Variants in GALK2 observed in about 807,000 individuals in gnomAD.
GALK2 encodes galactokinase 2, also known as N-acetylgalactosamine kinase.
In GALK2, 36 loss-of-function variants were observed where a neutral mutation model predicts 52.4. That is an observed-to-expected ratio of 0.69 (90% CI 0.53 to 0.91). The LOEUF (loss-of-function observed/expected upper bound fraction) is 0.91. GALK2 is among the 40% of genes least tolerant of loss of function. The pLI is 0.00. For missense variants in GALK2, 579 were observed against 559.1 expected, an observed-to-expected ratio of 1.04 and a Z score of -0.36; for synonymous variants, 176 against 199.1, an observed-to-expected ratio of 0.88 and a Z score of 0.98.
intron 2 of GALK2, among the ~76,000 whole-genome samples, chr15:49,209,962 T>C (rs764494761): frequency 6.6e-6 from 1 of 152,240 alleles, no homozygotes; most frequent in Non-Finnish European, 1.5e-5. Flanking sequence ...CCTCTGGTCC[T>C]GAGCATTTCT....
intron 1 of GALK2, among the ~76,000 whole-genome samples, chr15:49,175,660 C>T (rs543347164): frequency 6.0e-4 from 91 of 152,096 alleles, no homozygotes; most frequent in African/African-American, 2.1e-3. Context: ...TTAAGGGAGG[C>T]GACCACCTCT....
At chr15:49,239,606 A>AT (rs1388184430) in intron 5 of GALK2, among the ~76,000 whole-genome samples, 1 of 152,196 alleles carries the variant, frequency 6.6e-6, no homozygotes, top group East Asian at 1.9e-4. Context: ...TAAATATGGG[A>AT]TTTGAATGTA....
At chr15:49,316,740 G>A (rs1188347944) in intron 8 of GALK2, among the ~76,000 whole-genome samples, 1 of 152,196 alleles carries the variant, frequency 6.6e-6, no homozygotes, top group East Asian at 1.9e-4. Context: ...CCTAGGGGCA[G>A]ACCCAGGAGG....
chr15:49,171,859 C>A (rs540712672), intron 1 of GALK2, among the ~76,000 whole-genome samples: 10 of 151,920 alleles, frequency 6.6e-5, no homozygotes, highest in Non-Finnish European at 1.2e-4. Flanking sequence ...GCAACCTCCA[C>A]CTCCCAGGTT....
In GALK2 at chr15:49,353,492, A is replaced by C. The variant is rs564709641; in HGVS notation, c.427-13999A>C. On this transcript the variant is annotated intron_variant, in intron 3 of 3. Coordinates refer to the GALK2 transcript ENST00000558399. The stretch of plus-strand genomic sequence containing the variant: ...AGGCCTGTATGTTTTGAACAAAAAT[A>C]TACTTTTAAGATAGCTCACATTTCA... 8 of 152,296 alleles carry C rather than the reference A, an allele frequency of 5.3e-5. No individual in the cohort carries two copies. The East Asian group carries it at 1.2e-3, about 22-fold the overall frequency. 9.4% of individuals were successfully genotyped at this position (152,296 alleles called of 1,614,324 possible). A position where few individuals can be genotyped will look rare whatever the true frequency, so the allele number is the denominator to read the frequency against.
intron 2 of GALK2, among the ~76,000 whole-genome samples, chr15:49,203,852 C>G (rs1229583364): frequency 6.6e-6 from 1 of 152,148 alleles, no homozygotes; most frequent in Non-Finnish European, 1.5e-5. Flanking sequence ...TGGTGGCTCA[C>G]ACTTGCAATC....
At chr15:49,170,513 A>G (rs2085000640) in intron 1 of GALK2, 138 bp downstream of exon 1, 2 of 782,064 alleles carry the variant, frequency 2.6e-6, no homozygotes, top group Non-Finnish European at 4.1e-6. Flanking sequence ...TTCTATAAGG[A>G]CACGTGGCTG....
At position 49,228,687 on chromosome 15, in the gene GALK2, A is replaced by ATT. The variant is rs1174406561; in HGVS notation, c.267-7141_267-7140dup. 2.8e-4 allele frequency among the ~76,000 whole-genome samples: 4 copies of ATT among 14,276 alleles called. 1 individual carries two copies. Among genetic ancestry groups the ATT allele is most frequent in the Non-Finnish European group, 4.7e-4 (4 of 8,568 alleles). 9.4% of individuals were successfully genotyped at this position (14,276 alleles called of 152,430 possible). ...TATATATATATATATATATATATATATTTTTTTTTTTTTTTTTTTTTTTTG... is the reference window on the plus strand; with the variant it reads ...TATATATATATATATATATATATATATTTTTTTTTTTTTTTTTTTTTTTTTTG... On this transcript the variant is annotated intron_variant, in intron 3 of 9. Coordinates refer to ENST00000560031, the MANE Select transcript of GALK2 (RefSeq NM_002044.4).
intron 4 of GALK2, among the ~76,000 whole-genome samples, chr15:49,236,831 T>TA (rs1043338114): frequency 4.6e-5 from 7 of 152,254 alleles, no homozygotes; most frequent in African/African-American, 1.7e-4. Context: ...AATGAGCAGC[T>TA]AGGACTTAGT....
rs34902544 is a variant in GALK2 at position 49,299,709 on chromosome 15, G to GCTTTCTTT, written c.967+7193_967+7200dup. 5.0e-3 allele frequency among the ~76,000 whole-genome samples: 430 copies of GCTTTCTTT among 85,216 alleles called. 16 individuals carry two copies. The highest frequency in any genetic ancestry group is 0.019 in the Middle Eastern group (3 of 160). 55.9% of individuals were successfully genotyped at this position (85,216 alleles called of 152,430 possible). On this transcript the variant is annotated intron_variant, in intron 8 of 9. Transcript: ENST00000560031. Reference sequence around the variant, plus strand: ...GGTTTTGAGAGATCTTCTTGGTATTGCTTTCTTTCTTTCTTTCTTTCTTTC... The same window carrying GCTTTCTTT: ...GGTTTTGAGAGATCTTCTTGGTATTGCTTTCTTTCTTTCTTTCTTTCTTTCTTTCTTTC...
chr15:49,248,676 A>G (rs2091461494), intron 5 of GALK2, among the ~76,000 whole-genome samples: 1 of 152,204 alleles, frequency 6.6e-6, no homozygotes, highest in African/African-American at 2.4e-5. Context: ...TTTTAGGAGT[A>G]GGATTGGAGA....
chr15:49,195,173 G>A (rs1292357266), intron 1 of GALK2: 1 of 442,310 alleles, frequency 2.3e-6, no homozygotes, highest in African/African-American at 2.0e-5. Context: ...CTGGGTTGAA[G>A]TGATTCTCCT....
At chr15:49,367,101 A>G (rs1365904045) in intron 3 of GALK2, among the ~76,000 whole-genome samples, 1 of 152,244 alleles carries the variant, frequency 6.6e-6, no homozygotes, top group Non-Finnish European at 1.5e-5. Context: ...CTCTTTGGAG[A>G]AGGCTAGAAG....
intron 1 of GALK2, among the ~76,000 whole-genome samples, chr15:49,176,007 T>G (rs1566904658): frequency 6.6e-6 from 1 of 152,238 alleles, no homozygotes; most frequent in Non-Finnish European, 1.5e-5. Context: ...ACAGGAGTCT[T>G]GCTGATGCTC....
At position 49,204,848 on chromosome 15, in the gene GALK2, C is replaced by A. The variant is rs117035221; in HGVS notation, c.142+3598C>A. 4.4e-3 allele frequency among the ~76,000 whole-genome samples: 672 copies of A among 152,282 alleles called. 4 individuals are homozygous for A. Among genetic ancestry groups the A allele is most frequent in the Non-Finnish European group, 7.1e-3 (481 of 68,024 alleles). ...TATTTGTAGTCTTCTATCCCGCGCTCCCCTCCCACTCTTCCTCACAAGTCC... is the reference window on the plus strand; with the variant it reads ...TATTTGTAGTCTTCTATCCCGCGCTACCCTCCCACTCTTCCTCACAAGTCC... On this transcript the variant is annotated intron_variant, in intron 2 of 9. Coordinates refer to ENST00000560031, the MANE Select transcript of GALK2 (RefSeq NM_002044.4).
At chr15:49,236,458 A>T (rs2090811756) in intron 4 of GALK2, among the ~76,000 whole-genome samples, 1 of 152,160 alleles carries the variant, frequency 6.6e-6, no homozygotes, top group South Asian at 2.1e-4. Flanking sequence ...TAGTATTGTT[A>T]TTGCTACTTC....
chr15:49,231,032 C>G (rs1220751126), intron 3 of GALK2, among the ~76,000 whole-genome samples: 1 of 152,066 alleles, frequency 6.6e-6, no homozygotes, highest in Non-Finnish European at 1.5e-5. Context: ...AGACTTGAGC[C>G]ATACTTCTAA....
intron 3 of GALK2, among the ~76,000 whole-genome samples, chr15:49,235,046 T>C (rs1232115683): frequency 2.0e-5 from 3 of 152,188 alleles, no homozygotes; most frequent in African/African-American, 7.2e-5. Context: ...ATTAGAGGTG[T>C]GAGCTGCTGC....
At chr15:49,199,740 C>A (rs548510002) in intron 1 of GALK2, among the ~76,000 whole-genome samples, 1 of 152,124 alleles carries the variant, frequency 6.6e-6, no homozygotes, top group South Asian at 2.1e-4. Context: ...AGAGTCAAGG[C>A]CACAGTGTCA....
Sources: gnomAD v4.1 joint callset for allele counts (sites outside exome capture counted in the v4.1 genomes callset) on GRCh38, gnomAD v4.1.1 for gene constraint, MANE v1.5 for transcripts, NCBI Gene and HGNC (gene_info 2026-07-23, HGNC 2026-07-21) for gene names.